Variants in ATP11C observed in about 807,000 individuals in gnomAD.
ATP11C encodes phospholipid-transporting ATPase IG.
In ATP11C, 36 loss-of-function variants were observed where a neutral mutation model predicts 97.4. The ratio of observed to expected loss-of-function variants is 0.37; its 90% confidence interval spans 0.28 to 0.49. The LOEUF is 0.49. Among genes scored for constraint, ATP11C ranks in the 20% least tolerant of loss-of-function variants. The pLI is 0.98. For missense variants in ATP11C, 730 were observed against 824.6 expected, an observed-to-expected ratio of 0.89 and a Z score of 1.40; for synonymous variants, 275 against 290.9, an observed-to-expected ratio of 0.95 and a Z score of 0.56.
At chrX:139,765,040 C>T (rs1256003933) in intron 20 of ATP11C, among the ~76,000 whole-genome samples, 1 of 111,329 alleles carries the variant, frequency 9.0e-6, no homozygotes, top group Non-Finnish European at 1.9e-5. Flanking sequence ...ATAAAATTAT[C>T]AAGGGTGACA....
chrX:139,741,412 GC>G (rs1191464506), intron 26 of ATP11C, among the ~76,000 whole-genome samples: 13 of 110,759 alleles, frequency 1.2e-4, no homozygotes, highest in Non-Finnish European at 1.9e-4. Flanking sequence ...TATCTAGGAG[GC>G]CCAAGCCCCA....
intron 8 of ATP11C, among the ~76,000 whole-genome samples, chrX:139,799,569 C>T (rs1297814800): frequency 1.8e-5 from 2 of 109,304 alleles, no homozygotes; most frequent in South Asian, 8.1e-4. Flanking sequence ...TAACAGCCCC[C>T]TCCCCACAAC....
chrX:139,842,188 C>T (rs1273203934), intron 1 of ATP11C, among the ~76,000 whole-genome samples: 1 of 112,409 alleles, frequency 8.9e-6, no homozygotes, highest in African/African-American at 3.2e-5. Flanking sequence ...CCCGCCACCA[C>T]ACGCACCTAA....
intron 12 of ATP11C, among the ~76,000 whole-genome samples, chrX:139,790,678 G>GA (rs1188150678): frequency 9.0e-6 from 1 of 110,814 alleles, no homozygotes; most frequent in Non-Finnish European, 1.9e-5. Context: ...ATATACATAA[G>GA]AATTAATAAC....
At chrX:139,923,941 A>T (rs1407642479) in intron 1 of ATP11C, among the ~76,000 whole-genome samples, 1 of 112,193 alleles carries the variant, frequency 8.9e-6, no homozygotes, top group Non-Finnish European at 1.9e-5. Flanking sequence ...TATTGCCATA[A>T]AATTCATTGC....
chrX:139,794,770 C>T (rs1427795392), intron 12 of ATP11C, among the ~76,000 whole-genome samples: 1 of 111,845 alleles, frequency 8.9e-6, no homozygotes, highest in Non-Finnish European at 1.9e-5. Flanking sequence ...GAACCTGACC[C>T]GGGCATCTTA....
At chrX:139,845,053 C>T (rs555181390) in intron 1 of ATP11C, among the ~76,000 whole-genome samples, 1 of 111,978 alleles carries the variant, frequency 8.9e-6, no homozygotes, top group Non-Finnish European at 1.9e-5. Context: ...GGTGGACACA[C>T]TTGTTTGCCT....
intron 23 of ATP11C, among the ~76,000 whole-genome samples, chrX:139,753,731 C>T (rs755881485): frequency 4.5e-5 from 5 of 111,094 alleles, no homozygotes; most frequent in Non-Finnish European, 9.4e-5. Flanking sequence ...ATCACCTGAA[C>T]CCAGGAGGTG....
chrX:139,836,011 A>AG (rs1569476916), intron 1 of ATP11C, among the ~76,000 whole-genome samples: 1 of 71,330 alleles, frequency 1.4e-5, no homozygotes, highest in African/African-American at 5.7e-5. Flanking sequence ...TGGGTGACAG[A>AG]GCGAGACTCC....
intron 1 of ATP11C, among the ~76,000 whole-genome samples, chrX:139,880,300 T>C (rs1603410433): frequency 9.0e-6 from 1 of 111,570 alleles, no homozygotes; most frequent in Non-Finnish European, 1.9e-5. Flanking sequence ...TTAAAGAAGA[T>C]AGAGAGTGAT....
In ATP11C at chrX:139,889,528, C is replaced by T. The variant is rs144410469; in HGVS notation, c.27+42488G>A. Among the ~76,000 whole-genome samples the T allele has an allele frequency of 4.9e-3, 548 of 111,369 alleles. 2 individuals are homozygous for T. The highest frequency in any genetic ancestry group is 0.017 in the African/African-American group (513 of 30,645). ...TTTATATAATTTTGTCAAAATTCAT[C>T]GATTTTTACATACCTAAAAAGGGCA... On this transcript the variant is annotated intron_variant, in intron 1 of 29. Transcript: ENST00000682941.
At chrX:139,786,172 A>T (rs1251443028) in intron 15 of ATP11C, among the ~76,000 whole-genome samples, 1 of 112,065 alleles carries the variant, frequency 8.9e-6, no homozygotes, top group East Asian at 2.8e-4. Flanking sequence ...GGATGGCTGA[A>T]CTAATCAATG....
intron 5 of ATP11C, among the ~76,000 whole-genome samples, chrX:139,810,188 C>T (rs2083138626): frequency 9.0e-6 from 1 of 111,518 alleles, no homozygotes; most frequent in South Asian, 3.7e-4. Flanking sequence ...TAGGCTGGCA[C>T]GGTGGCTCAC....
intron 1 of ATP11C, among the ~76,000 whole-genome samples, chrX:139,858,236 T>A (rs2084125209): frequency 1.8e-5 from 2 of 112,499 alleles, no homozygotes; most frequent in South Asian, 7.3e-4. Context: ...CAACACAAAT[T>A]AGACTAAGAT....
At chrX:139,901,458 C>A (rs1306209220) in intron 1 of ATP11C, among the ~76,000 whole-genome samples, 2 of 111,411 alleles carry the variant, frequency 1.8e-5, no homozygotes, top group Admixed American at 1.9e-4. Flanking sequence ...TGTTTCTCAG[C>A]AAAAGAGACA....
intron 1 of ATP11C, among the ~76,000 whole-genome samples, chrX:139,852,227 G>T (rs765090894): frequency 9.1e-6 from 1 of 110,282 alleles, no homozygotes; most frequent in Non-Finnish European, 1.9e-5. Context: ...CTATACAGAA[G>T]TACCTTGCAC....
chrX:139,749,430 T>C (rs112604157), intron 24 of ATP11C, among the ~76,000 whole-genome samples: 1 of 112,285 alleles, frequency 8.9e-6, no homozygotes. Context: ...TAGGCTACAA[T>C]TCTAAAAATC....
At chrX:139,846,800 T>TA (rs2083915642) in intron 1 of ATP11C, among the ~76,000 whole-genome samples, 1 of 110,974 alleles carries the variant, frequency 9.0e-6, no homozygotes, top group Non-Finnish European at 1.9e-5. Flanking sequence ...AGGAAGCCTA[T>TA]AATGTAGAAC....
intron 19 of ATP11C, among the ~76,000 whole-genome samples, chrX:139,769,496 C>T (rs1393015843): frequency 2.8e-5 from 3 of 105,481 alleles, no homozygotes; most frequent in Non-Finnish European, 3.9e-5. Flanking sequence ...TTAAAAGCTT[C>T]CTAGGTGGTT....
Sources: allele counts gnomAD v4.1 joint callset (sites outside exome capture counted in the v4.1 genomes callset), GRCh38; gene constraint gnomAD v4.1.1; transcripts MANE v1.5; gene names NCBI Gene and HGNC (gene_info 2026-07-23, HGNC 2026-07-21).